NPAS3: variants seen among roughly 807,000 people sequenced by gnomAD.
The protein encoded by NPAS3 is neuronal PAS domain-containing protein 3.
A neutral mutation model predicts 73.1 loss-of-function variants in NPAS3; 14 were observed. The observed-to-expected ratio is 0.19, with a 90% CI of 0.13 to 0.30. The LOEUF is 0.30. Among genes scored for constraint, NPAS3 ranks in the 10% least tolerant of loss-of-function variants. The pLI, the probability that NPAS3 is intolerant of heterozygous loss-of-function variation, is 1.00. For missense variants in NPAS3, 1,096 were observed against 1,250.0 expected (o/e 0.88, Z 1.86); for synonymous variants, 620 against 541.5 (o/e 1.14, Z -2.01).
intron 5 of NPAS3, among the ~76,000 whole-genome samples, chr14:33,562,119 T>C (rs578136633): frequency 6.6e-6 from 1 of 152,224 alleles, no homozygotes; most frequent in East Asian, 1.9e-4. Flanking sequence ...TCTGGAATAG[T>C]GCGGCCATCT....
At chr14:33,492,543 G>C (rs1343902132) in intron 4 of NPAS3, among the ~76,000 whole-genome samples, 1 of 152,174 alleles carries the variant, frequency 6.6e-6, no homozygotes, top group Non-Finnish European at 1.5e-5. Flanking sequence ...CTGCAAAGAT[G>C]TGTAGAAGAT....
At chr14:33,320,865 A>G (rs754511535) in intron 3 of NPAS3, among the ~76,000 whole-genome samples, 4 of 151,816 alleles carry the variant, frequency 2.6e-5, no homozygotes, top group Non-Finnish European at 4.4e-5. Context: ...ATAGATGGTT[A>G]GATGTATACA....
intron 1 of NPAS3, among the ~76,000 whole-genome samples, chr14:33,001,405 A>G (rs187231249): frequency 6.6e-6 from 1 of 152,158 alleles, no homozygotes; most frequent in Admixed American, 6.5e-5. Context: ...GGGACACATC[A>G]TCTCTTGCCT....
intron 2 of NPAS3, among the ~76,000 whole-genome samples, chr14:33,200,438 C>G (rs1461202009): frequency 6.6e-6 from 1 of 152,064 alleles, no homozygotes; most frequent in Non-Finnish European, 1.5e-5. Context: ...TCAGTTTCTT[C>G]ATTTTCCTCC....
chr14:33,290,291 A>G (rs1243845014), intron 3 of NPAS3, among the ~76,000 whole-genome samples: 1 of 152,072 alleles, frequency 6.6e-6, no homozygotes, highest in Non-Finnish European at 1.5e-5. Context: ...CCAGGATTGT[A>G]TTTTATTGTT....
At chr14:33,523,451 CAAAAAAAAAAAAAAA>C (rs755370427) in intron 4 of NPAS3, among the ~76,000 whole-genome samples, 1 of 46,722 alleles carries the variant, frequency 2.1e-5, no homozygotes, top group Middle Eastern at 0.014. Flanking sequence ...GACTCTGTCT[CAAAAAAAAAAAAAAA>C]AAAAAAAGAT....
intron 1 of NPAS3, among the ~76,000 whole-genome samples, chr14:33,008,044 T>A (rs10483420): frequency 1.1e-4 from 16 of 151,964 alleles, no homozygotes; most frequent in Non-Finnish European, 2.2e-4. Flanking sequence ...ATCATATTGT[T>A]TACCAAGGAA....
Position 33,385,357 on chromosome 14 carries a change from T to C in NPAS3, c.468+18089T>C, listed in dbSNP as rs2046733238. Among the ~76,000 whole-genome samples the C allele has an allele frequency of 3.3e-5, 5 of 152,184 alleles. No individual in the cohort carries two copies. In the South Asian group the frequency reaches 1.0e-3, roughly 32 times the overall value. On this transcript the variant is annotated intron_variant, in intron 4 of 11. Transcript: ENST00000356141. ...ACGATGCATTTTCTTTTCATGCTAA[T>C]TTTCCCTGTTGGAAACTTAGTGTAT... is the stretch of plus-strand genomic sequence containing the variant.
At chr14:33,355,590 G>A (rs537069487) in intron 3 of NPAS3, among the ~76,000 whole-genome samples, 56 of 152,294 alleles carry the variant, frequency 3.7e-4, no homozygotes, top group African/African-American at 1.3e-3. Flanking sequence ...GAGCCACTGT[G>A]CCCAGGCAAC....
At chr14:33,317,973 G>T (rs765449031) in intron 3 of NPAS3, among the ~76,000 whole-genome samples, 1 of 151,944 alleles carries the variant, frequency 6.6e-6, no homozygotes, top group Non-Finnish European at 1.5e-5. Flanking sequence ...ATCCATGATC[G>T]AGCAACTCCA....
At chr14:33,147,550 A>G (rs944977013) in intron 2 of NPAS3, among the ~76,000 whole-genome samples, 7 of 150,226 alleles carry the variant, frequency 4.7e-5, no homozygotes, top group Admixed American at 2.0e-4. Flanking sequence ...ACTTGGACAC[A>G]GGAAGGGGAA....
At chr14:33,649,174 A>T (rs535729370) in intron 5 of NPAS3, among the ~76,000 whole-genome samples, 1 of 152,322 alleles carries the variant, frequency 6.6e-6, no homozygotes, top group East Asian at 1.9e-4. Flanking sequence ...ACAAAACTTG[A>T]TTGTCTCTCT....
intron 3 of NPAS3, among the ~76,000 whole-genome samples, chr14:33,350,752 A>C (rs1376297424): frequency 2.0e-5 from 3 of 152,218 alleles, no homozygotes; most frequent in African/African-American, 7.2e-5. Context: ...GCGGCTAATA[A>C]AATTTCAGAT....
At chr14:33,756,932 A>C (rs2062133429) in intron 7 of NPAS3, among the ~76,000 whole-genome samples, 1 of 152,256 alleles carries the variant, frequency 6.6e-6, no homozygotes, top group Non-Finnish European at 1.5e-5. Context: ...ACTGGGCTAA[A>C]GTATCCAAGA....
At chr14:32,996,807 A>T (rs2038594600) in intron 1 of NPAS3, among the ~76,000 whole-genome samples, 1 of 152,196 alleles carries the variant, frequency 6.6e-6, no homozygotes, top group African/African-American at 2.4e-5. Context: ...CTGCTAGGGC[A>T]GTGGGTATGG....
chr14:33,611,018 A>G (rs2140047669), intron 5 of NPAS3: 1 of 152,340 alleles, frequency 6.6e-6, no homozygotes, highest in Non-Finnish European at 1.5e-5. Context: ...TTACATGGAA[A>G]AAGCATGCAT....
At chr14:33,710,057 T>C (rs539435268) in intron 6 of NPAS3, among the ~76,000 whole-genome samples, 2 of 152,278 alleles carry the variant, frequency 1.3e-5, no homozygotes, top group East Asian at 1.9e-4. Flanking sequence ...GTGGAGATTG[T>C]GATTTCTATT....
Position 33,800,914 on chromosome 14 carries a change from G to T in NPAS3, c.2607G>T (p.Met869Ile). 1 of 1,608,816 alleles carries T rather than the reference G, an allele frequency of 6.2e-7. No homozygotes were observed. Among genetic ancestry groups the T allele is most frequent in the East Asian group, 2.2e-5 (1 of 44,480 alleles). Residue 869 changes from methionine to isoleucine, a missense_variant, in exon 12 of 12, where the codon ATG (methionine) becomes ATT (isoleucine). Met to Ile is a conservative substitution (Grantham distance 10). This residue lies in a region of NPAS3 where 698 missense variants were observed against 676.7 expected (regional missense o/e 1.03). Transcript: ENST00000356141. The surrounding 1 kb of genome is among the most constrained non-coding windows in gnomAD (Gnocchi z 6.5). ...TTGGCCTCGACCCCAAGACGCCCAT[G>T]GAGATGCTCTACCACCACGTGCACC... is the stretch of plus-strand genomic sequence containing the variant.
At chr14:33,546,131 T>A (rs993653915) in intron 4 of NPAS3, among the ~76,000 whole-genome samples, 10 of 152,128 alleles carry the variant, frequency 6.6e-5, no homozygotes, top group African/African-American at 2.4e-4. Context: ...CCCCTGCCTG[T>A]TTTCTGGTGC....
Sources: gnomAD v4.1 joint callset for allele counts (sites outside exome capture counted in the v4.1 genomes callset) on GRCh38, gnomAD v4.1.1 for gene constraint, gnomAD v4.1.1 regional missense constraint, Gnocchi (gnomAD v3.1) non-coding constraint, MANE v1.5 for transcripts, NCBI Gene and HGNC (gene_info 2026-07-23, HGNC 2026-07-21) for gene names.